Variants in PDZRN4 observed in about 807,000 individuals in gnomAD.
The protein encoded by PDZRN4 is PDZ domain-containing RING finger protein 4.
In PDZRN4, 70 loss-of-function variants were observed where a neutral mutation model predicts 99.0. That is an observed-to-expected ratio of 0.71 (90% CI 0.58 to 0.86). The LOEUF is 0.86. Ranked by LOEUF, PDZRN4 falls within the 40% of genes least tolerant of loss-of-function variation. The pLI, the probability that PDZRN4 is intolerant of heterozygous loss-of-function variation, is 0.00. For missense variants in PDZRN4, 1,474 were observed against 1,331.2 expected, an observed-to-expected ratio of 1.11 and a Z score of -1.67; for synonymous variants, 551 against 501.6, an observed-to-expected ratio of 1.10 and a Z score of -1.32.
chr12:41,310,232 C>T (rs951095686), intron 3 of PDZRN4, among the ~76,000 whole-genome samples: 7 of 150,580 alleles, frequency 4.6e-5, no homozygotes, highest in Non-Finnish European at 1.0e-4. Context: ...CGCATCCAGC[C>T]TTGTGAGGAA....
chr12:41,429,784 G>A (rs893618889), intron 3 of PDZRN4, among the ~76,000 whole-genome samples: 7 of 131,934 alleles, frequency 5.3e-5, no homozygotes, highest in African/African-American at 2.7e-4. Flanking sequence ...GTACTAAATA[G>A]GTGTTAGCTC....
Position 41,240,879 on chromosome 12 carries a change from T to C in PDZRN4, c.843+46691T>C, listed in dbSNP as rs141781072. 2.2e-3 allele frequency among the ~76,000 whole-genome samples: 337 copies of C among 152,270 alleles called. 6 individuals carry two copies. The East Asian group carries it at 0.026, about 12-fold the overall frequency. Reference sequence around the variant, plus strand: ...CTCCTAATACTATCATCTTGGGGGTTAGGATTTCAACATATGAATTTTGGG... The same window carrying C: ...CTCCTAATACTATCATCTTGGGGGTCAGGATTTCAACATATGAATTTTGGG... On this transcript the variant is annotated intron_variant, in intron 3 of 9. Transcript: ENST00000402685.
intron 7 of PDZRN4, 126 bp downstream of exon 7, chr12:41,555,886 CAA>C (rs35738715): frequency 1.3e-3 from 753 of 567,696 alleles, no homozygotes; most frequent in South Asian, 1.5e-3. Flanking sequence ...TCTACAAAAC[CAA>C]AAAAAAAAAG....
intron 3 of PDZRN4, among the ~76,000 whole-genome samples, chr12:41,387,541 G>A (rs1034337333): frequency 3.9e-5 from 6 of 152,086 alleles, no homozygotes; most frequent in African/African-American, 7.2e-5. Context: ...GCAGGAAGCC[G>A]AGATCGCACC....
chr12:41,472,840 T>G (rs1009021018), intron 3 of PDZRN4, among the ~76,000 whole-genome samples: 1 of 152,200 alleles, frequency 6.6e-6, no homozygotes, highest in Non-Finnish European at 1.5e-5. Flanking sequence ...TGGAATCATA[T>G]GTGAAACTAA....
intron 3 of PDZRN4, among the ~76,000 whole-genome samples, chr12:41,234,264 C>T (rs1256230219): frequency 6.6e-6 from 1 of 151,972 alleles, no homozygotes; most frequent in African/African-American, 2.4e-5. Context: ...TAAAGAATAC[C>T]TTCTCTGAAA....
chr12:41,516,715 A>G (rs1383542532), intron 5 of PDZRN4, among the ~76,000 whole-genome samples: 2 of 151,836 alleles, frequency 1.3e-5, no homozygotes, highest in Non-Finnish European at 2.9e-5. Context: ...TAGGGTACCT[A>G]TACATCCTGG....
At chr12:41,198,874 A>G (rs1399735624) in intron 3 of PDZRN4, among the ~76,000 whole-genome samples, 1 of 152,152 alleles carries the variant, frequency 6.6e-6, no homozygotes, top group Non-Finnish European at 1.5e-5. Context: ...GAAACTTTTT[A>G]ACTATCGCCA....
At chr12:41,428,501 C>T (rs17129348) in intron 3 of PDZRN4, among the ~76,000 whole-genome samples, 1 of 152,070 alleles carries the variant, frequency 6.6e-6, no homozygotes, top group African/African-American at 2.4e-5. Context: ...ATAGAACTGT[C>T]CACACTCTAA....
chr12:41,324,061 A>G (rs906728111), intron 3 of PDZRN4, among the ~76,000 whole-genome samples: 4 of 152,118 alleles, frequency 2.6e-5, no homozygotes, highest in African/African-American at 9.6e-5. Flanking sequence ...GCAGTAATAT[A>G]TGAAATAGGA....
chr12:41,188,749 G>A lies in PDZRN4; in HGVS notation c.294G>A (p.Glu98=). 1.3e-6 allele frequency: 2 copies of A among 1,500,748 alleles called. No individual in the cohort carries two copies. Among genetic ancestry groups the A allele is most frequent in the East Asian group, 2.6e-5 (1 of 38,012 alleles). The allele number at this position is 1,500,748 out of a possible 1,614,324, so 93.0% of individuals were successfully genotyped here. A position where few individuals can be genotyped will look rare whatever the true frequency, so the allele number is the denominator to read the frequency against. The change falls in exon 1 of 10, where the codon GAG becomes GAA. Residue 98 remains glutamate, a synonymous_variant. Transcript: ENST00000402685. ...ACTCGGTCAGGCTGCACGAGCTGGA[G>A]GCGCACGTCGAGCACTGCGACTTCG... ...CGHSVRLHEL[E]AHVEHCDFGP...
At chr12:41,355,148 T>A (rs573544071) in intron 3 of PDZRN4, among the ~76,000 whole-genome samples, 1 of 152,176 alleles carries the variant, frequency 6.6e-6, no homozygotes, top group Non-Finnish European at 1.5e-5. Context: ...GGGAAAGGAC[T>A]GAGAAATCGG....
At chr12:41,428,474 A>G (rs1952556840) in intron 3 of PDZRN4, among the ~76,000 whole-genome samples, 1 of 152,228 alleles carries the variant, frequency 6.6e-6, no homozygotes, top group South Asian at 2.1e-4. Context: ...AGGAATGAAC[A>G]TGTATTGCAG....
At chr12:41,243,375 A>T (rs1951112698) in intron 3 of PDZRN4, among the ~76,000 whole-genome samples, 1 of 152,224 alleles carries the variant, frequency 6.6e-6, no homozygotes, top group Non-Finnish European at 1.5e-5. Context: ...ATTACAATTT[A>T]AAAAATTAAT....
At chr12:41,529,290 C>T (rs1404184881) in intron 5 of PDZRN4, among the ~76,000 whole-genome samples, 1 of 152,068 alleles carries the variant, frequency 6.6e-6, no homozygotes, top group Admixed American at 6.6e-5. Context: ...CTGTATTACA[C>T]TCATTTCTCA....
intron 3 of PDZRN4, among the ~76,000 whole-genome samples, chr12:41,331,214 G>A (rs780451056): frequency 3.2e-4 from 48 of 151,986 alleles, no homozygotes; most frequent in Non-Finnish European, 5.9e-4. Context: ...AGGTATATTT[G>A]GATAATATTT....
intron 3 of PDZRN4, among the ~76,000 whole-genome samples, chr12:41,246,702 C>T (rs550126201): frequency 2.6e-5 from 4 of 152,284 alleles, no homozygotes; most frequent in African/African-American, 9.6e-5. Context: ...ATCTTATGAA[C>T]CTTCCCATTC....
At chr12:41,246,092 CA>C (rs1951132146) in intron 3 of PDZRN4, among the ~76,000 whole-genome samples, 1 of 152,178 alleles carries the variant, frequency 6.6e-6, no homozygotes, top group Admixed American at 6.5e-5. Flanking sequence ...AGACAGGAGA[CA>C]TGTTCCAACT....
At chr12:41,362,597 C>T (rs999792121) in intron 3 of PDZRN4, among the ~76,000 whole-genome samples, 4 of 152,028 alleles carry the variant, frequency 2.6e-5, no homozygotes, top group African/African-American at 9.7e-5. Context: ...ATATATCTAT[C>T]TTCAAATGAA....
Sources: gnomAD v4.1 joint callset for allele counts (sites outside exome capture counted in the v4.1 genomes callset) on GRCh38, gnomAD v4.1.1 for gene constraint, MANE v1.5 for transcripts, NCBI Gene and HGNC (gene_info 2026-07-23, HGNC 2026-07-21) for gene names.